The following EYS variants were observed in gnomAD, a reference collection of about 807,000 sequenced individuals.
The protein encoded by EYS is protein eyes shut homolog.
In EYS, 250 loss-of-function variants were observed where a neutral mutation model predicts 282.1. The observed-to-expected ratio is 0.89, with a 90% CI of 0.80 to 0.98. The LOEUF (loss-of-function observed/expected upper bound fraction) is 0.98, where lower values mean the gene tolerates loss of function less well. EYS is among the 50% of genes least tolerant of loss of function. EYS has a pLI of 0.00. For synonymous variants in EYS, 1,355 were observed against 1,282.9 expected, an observed-to-expected ratio of 1.06 and a Z score of -1.20; for missense variants, 4,016 against 3,709.0, an observed-to-expected ratio of 1.08 and a Z score of -2.15.
chr6:64,611,119 G>C (rs1767101869), intron 24 of EYS, among the ~76,000 whole-genome samples: 1 of 152,152 alleles, frequency 6.6e-6, no homozygotes, highest in Non-Finnish European at 1.5e-5. Context: ...TGTTACCAGA[G>C]CCTAATTGAT....
chr6:65,687,135 A>G (rs1468245346), intron 1 of EYS, among the ~76,000 whole-genome samples: 1 of 152,112 alleles, frequency 6.6e-6, no homozygotes, highest in Non-Finnish European at 1.5e-5. Context: ...GAAACCAAGA[A>G]ATATTCAGAT....
At chr6:65,286,795 T>G (rs972922261) in intron 12 of EYS, among the ~76,000 whole-genome samples, 1 of 151,710 alleles carries the variant, frequency 6.6e-6, no homozygotes, top group African/African-American at 2.4e-5. Flanking sequence ...GGTCTTGGGC[T>G]GCTTGATATT....
chr6:64,479,617 C>A (rs914369214), intron 26 of EYS, among the ~76,000 whole-genome samples: 3 of 151,784 alleles, frequency 2.0e-5, no homozygotes, highest in African/African-American at 4.8e-5. Context: ...TGAAGTTTAA[C>A]CTTGCCTTAG....
At chr6:65,433,855 A>T (rs533085387) in intron 5 of EYS, among the ~76,000 whole-genome samples, 3 of 152,290 alleles carry the variant, frequency 2.0e-5, no homozygotes, top group Middle Eastern at 3.4e-3. Flanking sequence ...CAGAGGAAAA[A>T]TTAACAAGTT....
intron 29 of EYS, among the ~76,000 whole-genome samples, chr6:64,372,386 A>G (rs977273266): frequency 6.6e-6 from 1 of 152,050 alleles, no homozygotes; most frequent in African/African-American, 2.4e-5. Context: ...TCTGATTTGT[A>G]GGGTTTCTGC....
At chr6:64,376,779 CA>C (rs1381161328) in intron 29 of EYS, among the ~76,000 whole-genome samples, 1 of 112,366 alleles carries the variant, frequency 8.9e-6, no homozygotes, top group Non-Finnish European at 1.9e-5. Context: ...CTCCAATATA[CA>C]TAATAAAATT....
At chr6:64,536,171 T>TA (rs917575670) in intron 26 of EYS, among the ~76,000 whole-genome samples, 2 of 152,160 alleles carry the variant, frequency 1.3e-5, no homozygotes, top group African/African-American at 2.4e-5. Flanking sequence ...ATCTTTTTGA[T>TA]AAAAAAACTA....
intron 31 of EYS, among the ~76,000 whole-genome samples, chr6:64,173,396 G>A (rs902422775): frequency 6.6e-5 from 10 of 152,244 alleles, no homozygotes; most frequent in South Asian, 2.1e-4. Flanking sequence ...TTGCCCTATC[G>A]TAGTGACCTA....
intron 22 of EYS, among the ~76,000 whole-genome samples, chr6:64,659,757 C>T (rs1768920630): frequency 6.6e-6 from 1 of 151,930 alleles, no homozygotes; most frequent in African/African-American, 2.4e-5. Flanking sequence ...GCTTACCAAC[C>T]AAAAAAAGTG....
chr6:64,869,943 T>A (rs918432531), intron 19 of EYS, among the ~76,000 whole-genome samples: 6 of 151,144 alleles, frequency 4.0e-5, no homozygotes, highest in African/African-American at 1.5e-4. Context: ...ATCACTGCAG[T>A]CATACAAAAA....
chr6:65,116,611 T>C (rs1278172918), intron 12 of EYS, among the ~76,000 whole-genome samples: 2 of 152,084 alleles, frequency 1.3e-5, no homozygotes, highest in Non-Finnish European at 2.9e-5. Flanking sequence ...GCTGTTTCTG[T>C]ACCTGAGTCC....
intron 19 of EYS, among the ~76,000 whole-genome samples, chr6:64,881,746 G>T (rs1472508479): frequency 2.0e-5 from 3 of 151,672 alleles, no homozygotes; most frequent in Non-Finnish European, 4.4e-5. Context: ...TAAGATATTG[G>T]CTATTAAAAT....
chr6:65,025,543 A>G (rs1398210581), intron 13 of EYS, among the ~76,000 whole-genome samples: 5 of 152,184 alleles, frequency 3.3e-5, no homozygotes, highest in African/African-American at 1.2e-4. Flanking sequence ...CAGTAAATAA[A>G]CAGTAAAGAA....
intron 35 of EYS, among the ~76,000 whole-genome samples, chr6:63,953,545 C>T (rs1194042656): frequency 6.6e-6 from 1 of 152,202 alleles, no homozygotes; most frequent in African/African-American, 2.4e-5. Flanking sequence ...AAAACCCCAA[C>T]CCTTTCTACA....
At chr6:63,857,789 T>G in intron 36 of EYS, 1 of 207,394 alleles carries the variant, frequency 4.8e-6, no homozygotes, top group South Asian at 8.1e-5. Flanking sequence ...ACAGGCAATT[T>G]TATGAATAAT....
In EYS at chr6:65,331,674, C is replaced by A. The variant is rs190456632; in HGVS notation, c.1766+3306G>T. ...GAAAAAAGGAAATAACATCACAAAA[C>A]GAAGGATAATTTTCTTAGTAAATAA... is the stretch of plus-strand genomic sequence containing the variant. On this transcript the variant is annotated intron_variant, in intron 11 of 42. Coordinates refer to ENST00000503581, the MANE Select transcript of EYS (RefSeq NM_001142800.2). 882 of 979,778 alleles carry A rather than the reference C, an allele frequency of 9.0e-4. 6 individuals carry two copies. The highest frequency in any genetic ancestry group is 5.3e-3 in the South Asian group (112 of 21,160). The allele number at this position is 979,778 out of a possible 1,614,324, so 60.7% of individuals were successfully genotyped here.
chr6:65,520,982 G>C (rs909618058), intron 2 of EYS, among the ~76,000 whole-genome samples: 18 of 152,208 alleles, frequency 1.2e-4, no homozygotes, highest in African/African-American at 3.9e-4. Context: ...ATGAAATTAT[G>C]ACTGCTGATG....
intron 31 of EYS, among the ~76,000 whole-genome samples, chr6:64,112,954 G>A (rs954286597): frequency 1.3e-5 from 2 of 151,614 alleles, no homozygotes; most frequent in Non-Finnish European, 2.9e-5. Context: ...CACTGGCATC[G>A]TGAAAATGAA....
chr6:64,019,416 C>CTTT (rs112215249), intron 33 of EYS, among the ~76,000 whole-genome samples: 41 of 150,614 alleles, frequency 2.7e-4, no homozygotes, highest in Admixed American at 4.0e-4. Flanking sequence ...TCTTTCTTTC[C>CTTT]TTTTTATTTT....
Sources: allele counts gnomAD v4.1 joint callset (sites outside exome capture counted in the v4.1 genomes callset), GRCh38; gene constraint gnomAD v4.1.1; transcripts MANE v1.5; gene names NCBI Gene and HGNC (gene_info 2026-07-23, HGNC 2026-07-21).